SCRG1: variants seen among roughly 807,000 people sequenced by gnomAD.
SCRG1 encodes the protein stimulator of chondrogenesis 1.
SCRG1 carries 3 observed loss-of-function variants against 7.7 expected under a neutral mutation model. The observed-to-expected ratio is 0.39, with a 90% CI of 0.18 to 1.01. SCRG1 has a LOEUF of 1.01. Among genes scored for constraint, SCRG1 ranks in the 50% least tolerant of loss-of-function variants. The pLI, the probability that SCRG1 is intolerant of heterozygous loss-of-function variation, is 0.36. For synonymous variants in SCRG1, 46 were observed against 41.2 expected, an observed-to-expected ratio of 1.12 and a Z score of -0.44; for missense variants, 110 against 117.2, an observed-to-expected ratio of 0.94 and a Z score of 0.28.
the SCRG1 span, among the ~76,000 whole-genome samples, chr4:173,491,037 T>C: frequency 6.6e-6 from 1 of 152,278 alleles, no homozygotes; most frequent in Admixed American, 6.5e-5. Context: ...TTCACAGGCA[T>C]TGCAGCAACT....
At chr4:173,489,101 C>T in the SCRG1 span, among the ~76,000 whole-genome samples, 8 of 152,164 alleles carry the variant, frequency 5.3e-5, no homozygotes. Flanking sequence ...ATTTCATCAT[C>T]CACTGCCAAA....
At chr4:173,509,003 G>A in the SCRG1 span, among the ~76,000 whole-genome samples, 1 of 152,212 alleles carries the variant, frequency 6.6e-6, no homozygotes, top group Non-Finnish European at 1.5e-5. The surrounding 1 kb of genome is among the most constrained non-coding windows in gnomAD (Gnocchi z 5.7). Context: ...AAACCAGACT[G>A]CATCCGAGCA....
At chr4:173,426,338 AT>A in the SCRG1 span, among the ~76,000 whole-genome samples, 1 of 151,982 alleles carries the variant, frequency 6.6e-6, no homozygotes, top group African/African-American at 2.4e-5. Flanking sequence ...CTGGTGTCTG[AT>A]TTCCTCTTCT....
chr4:173,484,352 T>G, the SCRG1 span, among the ~76,000 whole-genome samples: 1 of 64,424 alleles, frequency 1.6e-5, no homozygotes, highest in Non-Finnish European at 2.8e-5. Context: ...TTATATAATA[T>G]ATAATATATA....
At position 173,398,246 on chromosome 4, in the gene SCRG1, TA is replaced by T. The variant is rs550166849; in HGVS notation, c.-15+821del. 298 of 152,328 alleles carry T rather than the reference TA, an allele frequency of 2.0e-3. 2 individuals are homozygous for T. Among genetic ancestry groups the T allele is most frequent in the African/African-American group, 7.0e-3 (291 of 41,588 alleles). 9.4% of individuals were successfully genotyped at this position (152,328 alleles called of 1,614,324 possible). On this transcript the variant is annotated intron_variant, in intron 1 of 2. Transcript: ENST00000296506. ...GATCCTTAAAACAGACATATCATCT[TA>T]AATATCTAAGATACCTTCATCCATA... is the stretch of plus-strand genomic sequence containing the variant.
the SCRG1 span, among the ~76,000 whole-genome samples, chr4:173,512,808 C>T: frequency 6.6e-6 from 1 of 152,220 alleles, no homozygotes; most frequent in Non-Finnish European, 1.5e-5. Flanking sequence ...AGCAAGACCC[C>T]TCAGCCTCTC....
chr4:173,511,865 G>T, the SCRG1 span, among the ~76,000 whole-genome samples: 1 of 152,154 alleles, frequency 6.6e-6, no homozygotes, highest in Non-Finnish European at 1.5e-5. The surrounding 1 kb of genome is among the most constrained non-coding windows in gnomAD (Gnocchi z 5.2). Context: ...CCCTCCCTCT[G>T]GTTGTTTCCT....
chr4:173,403,685 C>G (rs1328826946), upstream of SCRG1, among the ~76,000 whole-genome samples: 1 of 152,100 alleles, frequency 6.6e-6, no homozygotes, highest in Non-Finnish European at 1.5e-5. Flanking sequence ...TGAAAATAAA[C>G]TTTGGCAAGA....
At chr4:173,409,027 A>G (rs899491442), upstream of SCRG1, among the ~76,000 whole-genome samples, 5 of 151,814 alleles carry the variant, frequency 3.3e-5, no homozygotes, top group African/African-American at 1.2e-4. Flanking sequence ...AAAGAAAAGA[A>G]AAAGAAAATT....
the SCRG1 span, among the ~76,000 whole-genome samples, chr4:173,458,124 G>C: frequency 6.6e-6 from 1 of 152,154 alleles, no homozygotes; most frequent in Non-Finnish European, 1.5e-5. Flanking sequence ...GGGTACCCAG[G>C]ACTGGCTGAA....
At chr4:173,436,960 C>G in the SCRG1 span, among the ~76,000 whole-genome samples, 1 of 152,202 alleles carries the variant, frequency 6.6e-6, no homozygotes, top group Non-Finnish European at 1.5e-5. Context: ...CCGTCCAAGC[C>G]TGCTGCTGGC....
At chr4:173,411,588 T>C in the SCRG1 span, among the ~76,000 whole-genome samples, 2 of 152,184 alleles carry the variant, frequency 1.3e-5, no homozygotes, top group African/African-American at 2.4e-5. Flanking sequence ...AATAAATAAA[T>C]GTATTTCTAT....
the SCRG1 span, among the ~76,000 whole-genome samples, chr4:173,444,114 C>T: frequency 6.6e-6 from 1 of 151,978 alleles, no homozygotes; most frequent in South Asian, 2.1e-4. Context: ...GCTGGGATTA[C>T]AGGTGCCCGC....
chr4:173,491,645 G>T, the SCRG1 span, among the ~76,000 whole-genome samples: 2 of 152,292 alleles, frequency 1.3e-5, no homozygotes, highest in Admixed American at 6.5e-5. Flanking sequence ...ACAGCAAGGT[G>T]GGCAGAGGAA....
the SCRG1 span, among the ~76,000 whole-genome samples, chr4:173,435,871 A>C: frequency 6.6e-6 from 1 of 152,178 alleles, no homozygotes; most frequent in East Asian, 1.9e-4. Flanking sequence ...AGGATGCCAA[A>C]TAACTCAGGA....
the SCRG1 span, among the ~76,000 whole-genome samples, chr4:173,505,888 G>C: frequency 6.6e-6 from 1 of 152,212 alleles, no homozygotes; most frequent in Non-Finnish European, 1.5e-5. The surrounding 1 kb of genome is among the most constrained non-coding windows in gnomAD (Gnocchi z 4.4). Context: ...CCCAGTTTAA[G>C]GGTGGGTGGT....
the SCRG1 span, chr4:173,420,165 G>A: frequency 4.8e-5 from 23 of 483,272 alleles, no homozygotes; most frequent in South Asian, 3.5e-4. Context: ...CACATCCGTG[G>A]CTCAACAGAG....
the SCRG1 span, chr4:173,468,797 C>T: frequency 6.6e-6 from 1 of 152,128 alleles, no homozygotes; most frequent in African/African-American, 2.4e-5. Flanking sequence ...AACTTTTGGC[C>T]CCTGGGAGAC....
At position 173,388,014 on chromosome 4, in the gene SCRG1, G is replaced by A. The variant is rs1297667007; in HGVS notation, c.*327C>T. 4.6e-6 allele frequency: 1 copy of A among 218,846 alleles called. No individual in the cohort carries two copies. Among genetic ancestry groups the A allele is most frequent in the African/African-American group, 2.3e-5 (1 of 43,848 alleles). The allele number at this position is 218,846 out of a possible 1,614,324, so 13.6% of individuals were successfully genotyped here. On this transcript the variant is annotated 3_prime_UTR_variant, in exon 3 of 3. Coordinates refer to ENST00000296506, the MANE Select transcript of SCRG1 (RefSeq NM_007281.4). ...TATGTGGTTAATAACTGTCAACTAA[G>A]GACTGAAAGTATTTTCAATCCTTGA...
Sources: allele counts gnomAD v4.1 joint callset (sites outside exome capture counted in the v4.1 genomes callset), GRCh38; gene constraint gnomAD v4.1.1; non-coding constraint Gnocchi (gnomAD v3.1); transcripts MANE v1.5; gene names NCBI Gene and HGNC (gene_info 2026-07-23, HGNC 2026-07-21).